The following ATG10 variants were observed in gnomAD, a reference collection of about 807,000 sequenced individuals.
ATG10 encodes the protein autophagy related 10.
Under a neutral mutation model 32.1 loss-of-function variants are expected in ATG10, and 30 were observed. That is an observed-to-expected ratio of 0.94 (90% CI 0.70 to 1.27). The LOEUF (loss-of-function observed/expected upper bound fraction) is 1.27. ATG10 is among the 50% of genes most tolerant of loss of function. ATG10 has a pLI of 0.00. For missense variants in ATG10, 233 were observed against 262.3 expected, an observed-to-expected ratio of 0.89 and a Z score of 0.77; for synonymous variants, 87 against 91.5, an observed-to-expected ratio of 0.95 and a Z score of 0.28.
chr5:82,034,975 A>G (rs530873662), intron 2 of ATG10, among the ~76,000 whole-genome samples: 1 of 152,052 alleles, frequency 6.6e-6, no homozygotes, highest in South Asian at 2.1e-4. Context: ...CTGGAGTGCA[A>G]TGGTGTGACC....
chr5:82,030,846 G>T lies in ATG10; in HGVS notation c.109-27649G>T, dbSNP rs184078530. On this transcript the variant is annotated intron_variant, in intron 2 of 7. Coordinates refer to ENST00000282185, the MANE Select transcript of ATG10 (RefSeq NM_031482.5). Reference sequence around the variant, plus strand: ...TCTTAAAATTGTGTGTTACTGTTAAGCAAGAGCTCCTGTTTTTGTGTAGTT... The same window carrying T: ...TCTTAAAATTGTGTGTTACTGTTAATCAAGAGCTCCTGTTTTTGTGTAGTT... 3.4e-3 allele frequency among the ~76,000 whole-genome samples: 519 copies of T among 152,242 alleles called. 4 individuals are homozygous for T. The highest frequency in any genetic ancestry group is 4.4e-3 in the Non-Finnish European group (298 of 68,000).
At chr5:82,144,833 T>C (rs753979267) in intron 3 of ATG10, among the ~76,000 whole-genome samples, 3 of 152,084 alleles carry the variant, frequency 2.0e-5, no homozygotes, top group East Asian at 1.9e-4. Flanking sequence ...AAGTCCTCTT[T>C]GTTTTGACTA....
chr5:82,121,675 G>A (rs896546383), intron 3 of ATG10, among the ~76,000 whole-genome samples: 16 of 152,168 alleles, frequency 1.1e-4, no homozygotes, highest in African/African-American at 3.4e-4. Context: ...AACATGAAGG[G>A]ATGTTGAATT....
chr5:82,084,657 A>G (rs1365754686), intron 3 of ATG10, among the ~76,000 whole-genome samples: 3 of 152,310 alleles, frequency 2.0e-5, no homozygotes, highest in Admixed American at 6.5e-5. Context: ...TACAAGCCAG[A>G]AGAGAGTGGG....
At chr5:82,102,051 A>G (rs1231091475) in intron 3 of ATG10, among the ~76,000 whole-genome samples, 2 of 152,162 alleles carry the variant, frequency 1.3e-5, no homozygotes, top group Non-Finnish European at 2.9e-5. Flanking sequence ...AGTCTTTCTG[A>G]TACATAAAGT....
At chr5:82,140,009 C>T (rs1440632034) in intron 3 of ATG10, among the ~76,000 whole-genome samples, 1 of 128,018 alleles carries the variant, frequency 7.8e-6, no homozygotes, top group Non-Finnish European at 1.7e-5. Context: ...CCGGCCGCCC[C>T]TACTGGGAAG....
At chr5:81,983,593 G>C (rs985831078) in intron 1 of ATG10, among the ~76,000 whole-genome samples, 9 of 146,332 alleles carry the variant, frequency 6.2e-5, no homozygotes, top group African/African-American at 2.3e-4. Flanking sequence ...CGGCCGGGCA[G>C]AGGCGCCCCT....
At chr5:81,984,927 T>C (rs1208314029) in intron 1 of ATG10, among the ~76,000 whole-genome samples, 1 of 152,240 alleles carries the variant, frequency 6.6e-6, no homozygotes, top group Non-Finnish European at 1.5e-5. Context: ...CTTCCTAATT[T>C]TGTAATCAAG....
intron 2 of ATG10, among the ~76,000 whole-genome samples, chr5:82,053,317 TTGGACCCCTTCCTGTTGATTTGG>T (rs1763486060): frequency 6.6e-6 from 1 of 152,192 alleles, no homozygotes; most frequent in Non-Finnish European, 1.5e-5. Flanking sequence ...TATTGGGCTA[TTGGACCCCTTCCTGTTGATTTGG>T]TGGAACTATT....
chr5:82,065,223 C>T (rs6879936), intron 3 of ATG10, among the ~76,000 whole-genome samples: 35,775 of 152,020 alleles, frequency 0.24, 4,485 homozygotes, highest in African/African-American at 0.32. Flanking sequence ...CAGTGACTCA[C>T]GCCTGTAATC....
intron 2 of ATG10, among the ~76,000 whole-genome samples, chr5:82,050,052 T>A (rs1763360457): frequency 6.6e-6 from 1 of 152,180 alleles, no homozygotes; most frequent in Non-Finnish European, 1.5e-5. Flanking sequence ...ATTTGTTTTC[T>A]ATGCACATAT....
intron 1 of ATG10, among the ~76,000 whole-genome samples, chr5:81,973,993 A>C (rs1760802705): frequency 6.6e-6 from 1 of 152,214 alleles, no homozygotes; most frequent in Admixed American, 6.5e-5. Context: ...CATTCAAGTT[A>C]TGTATAATGT....
intron 3 of ATG10, among the ~76,000 whole-genome samples, chr5:82,124,165 G>A (rs765662604): frequency 1.1e-4 from 17 of 148,694 alleles, no homozygotes; most frequent in African/African-American, 2.2e-4. Flanking sequence ...CACCACGCCC[G>A]GCTAATTTTT....
chr5:82,220,799 T>C (rs1421944597), intron 5 of ATG10, among the ~76,000 whole-genome samples: 1 of 151,716 alleles, frequency 6.6e-6, no homozygotes, highest in Non-Finnish European at 1.5e-5. Context: ...TCTCGCTTTG[T>C]TGCCCAGGCT....
At chr5:82,178,375 G>A (rs981726089) in intron 4 of ATG10, 115 bp from the exon 5 acceptor site, 4 of 657,902 alleles carry the variant, frequency 6.1e-6, no homozygotes, top group African/African-American at 1.8e-5. Flanking sequence ...TAAATAGCAT[G>A]TGCACTGAAG....
intron 3 of ATG10, among the ~76,000 whole-genome samples, chr5:82,136,053 G>GT (rs1196027457): frequency 2.0e-5 from 3 of 151,266 alleles, no homozygotes; most frequent in Admixed American, 6.6e-5. Flanking sequence ...CTGATTTTTT[G>GT]TTTTTTTGCT....
rs1162307530 is a variant in ATG10, at chr5:82,254,223, G to C, written c.*160G>C. Reference sequence around the variant, plus strand: ...TTGGACACAAATGTCTACAGCAACTGGTGTTTGATAGGCTGAATGTTTAGA... The same window carrying C: ...TTGGACACAAATGTCTACAGCAACTCGTGTTTGATAGGCTGAATGTTTAGA... On this transcript the variant is annotated 3_prime_UTR_variant, in exon 8 of 8. Transcript: ENST00000282185. 1 of 152,126 alleles carries C rather than the reference G, an allele frequency of 6.6e-6. No individual in the cohort carries two copies. The highest frequency in any genetic ancestry group is 1.5e-5 in the Non-Finnish European group (1 of 68,046). 9.4% of individuals were successfully genotyped at this position (152,126 alleles called of 1,614,324 possible). A position where few individuals can be genotyped will look rare whatever the true frequency, so the allele number is the denominator to read the frequency against.
At chr5:81,994,979 A>G (rs1247328607) in intron 2 of ATG10, among the ~76,000 whole-genome samples, 4 of 152,186 alleles carry the variant, frequency 2.6e-5, no homozygotes, top group African/African-American at 4.8e-5. Flanking sequence ...AAAGAATCCC[A>G]GGTGGTTCTC....
At chr5:82,108,961 G>C (rs1000768737) in intron 3 of ATG10, among the ~76,000 whole-genome samples, 1 of 152,064 alleles carries the variant, frequency 6.6e-6, no homozygotes, top group Non-Finnish European at 1.5e-5. Flanking sequence ...ATAGAAATAT[G>C]TAGCACATAC....
Sources: allele counts gnomAD v4.1 joint callset (sites outside exome capture counted in the v4.1 genomes callset), GRCh38; gene constraint gnomAD v4.1.1; transcripts MANE v1.5; gene names NCBI Gene and HGNC (gene_info 2026-07-23, HGNC 2026-07-21).